The following AFG1L variants were observed in gnomAD, a reference collection of about 807,000 sequenced individuals.
AFG1L encodes the protein AFG1 like ATPase.
A neutral mutation model predicts 62.2 loss-of-function variants in AFG1L; 53 were observed. The ratio of observed to expected loss-of-function variants is 0.85; its 90% CI spans 0.68 to 1.07. The LOEUF is 1.07. AFG1L is among the 50% of genes least tolerant of loss of function. AFG1L has a pLI of 0.00. For synonymous variants in AFG1L, 228 were observed against 210.3 expected (o/e 1.08, Z -0.73); for missense variants, 555 against 590.5 (o/e 0.94, Z 0.62).
At chr6:108,306,265 A>G (rs190278696) in intron 1 of AFG1L, among the ~76,000 whole-genome samples, 2 of 152,232 alleles carry the variant, frequency 1.3e-5, no homozygotes, top group Non-Finnish European at 2.9e-5. Flanking sequence ...TGGGCCATAT[A>G]GTCAAACAAT....
At chr6:108,350,929 C>T (rs913760583) in intron 3 of AFG1L, among the ~76,000 whole-genome samples, 1 of 152,170 alleles carries the variant, frequency 6.6e-6, no homozygotes, top group African/African-American at 2.4e-5. Context: ...TACTACACAC[C>T]TAGGCTGTAT....
chr6:108,336,726 T>C (rs1349479151), intron 2 of AFG1L, among the ~76,000 whole-genome samples: 2 of 152,222 alleles, frequency 1.3e-5, no homozygotes, highest in African/African-American at 4.8e-5. Context: ...TCTGTTTTTT[T>C]CCAACTTTTC....
At chr6:108,372,843 A>G (rs1464270651) in intron 6 of AFG1L, 1 of 153,394 alleles carries the variant, frequency 6.5e-6, no homozygotes, top group East Asian at 1.9e-4. Context: ...AGGAAGTTCT[A>G]TATGGAGGAG....
intron 7 of AFG1L, among the ~76,000 whole-genome samples, chr6:108,435,588 A>C (rs1405790795): frequency 6.6e-6 from 1 of 152,196 alleles, no homozygotes; most frequent in Non-Finnish European, 1.5e-5. Context: ...CAGGAGGCTG[A>C]GGTGGAAGAA....
intron 5 of AFG1L, chr6:108,359,716 T>C (rs1239144645): frequency 6.6e-6 from 1 of 152,192 alleles, no homozygotes; most frequent in African/African-American, 2.4e-5. Context: ...TCTATTGAAT[T>C]TCAACTAAAT....
At chr6:108,344,146 T>C (rs1778780786) in intron 2 of AFG1L, among the ~76,000 whole-genome samples, 2 of 152,074 alleles carry the variant, frequency 1.3e-5, no homozygotes, top group South Asian at 4.1e-4. Flanking sequence ...TGGAGTCTCG[T>C]TCTGTTGCCC....
At chr6:108,489,321 C>A (rs1253143252) in intron 10 of AFG1L, among the ~76,000 whole-genome samples, 2 of 152,170 alleles carry the variant, frequency 1.3e-5, no homozygotes, top group Non-Finnish European at 2.9e-5. Flanking sequence ...TTGGGCTGAC[C>A]TGTGAAATAT....
intron 2 of AFG1L, among the ~76,000 whole-genome samples, chr6:108,331,661 G>A (rs531314692): frequency 6.4e-4 from 97 of 152,292 alleles, no homozygotes; most frequent in Non-Finnish European, 1.0e-3. Context: ...ATGCATAATT[G>A]TTATTGTGCT....
At chr6:108,467,657 T>C (rs951187434) in intron 8 of AFG1L, among the ~76,000 whole-genome samples, 18 of 152,248 alleles carry the variant, frequency 1.2e-4, no homozygotes, top group Admixed American at 5.9e-4. Flanking sequence ...TTGCAACATA[T>C]AATCTTGTCA....
rs946749061 is a variant in AFG1L, at chr6:108,358,148, A to G, written c.648+1328A>G. Among the ~76,000 whole-genome samples the G allele has an allele frequency of 5.3e-5, 8 of 152,224 alleles. No individual in the cohort carries two copies. The East Asian group carries it at 9.6e-4, about 18-fold the overall frequency. On this transcript the variant is annotated intron_variant, in intron 5 of 12. Coordinates refer to ENST00000368977, the MANE Select transcript of AFG1L (RefSeq NM_145315.5). ...GCCTCATTGAGTCGTTTGAAAAAGC[A>G]CTGACTTAACAGTTATGCTGCTTTC...
At chr6:108,479,825 A>C (rs949417349) in intron 10 of AFG1L, among the ~76,000 whole-genome samples, 1 of 152,144 alleles carries the variant, frequency 6.6e-6, no homozygotes, top group African/African-American at 2.4e-5. Context: ...TGGATCATCT[A>C]TCCTAATTTT....
intron 1 of AFG1L, among the ~76,000 whole-genome samples, chr6:108,314,604 G>A (rs911144167): frequency 6.6e-6 from 1 of 151,980 alleles, no homozygotes; most frequent in African/African-American, 2.4e-5. Context: ...TCACCGTGTT[G>A]CCTAGGCTGG....
At chr6:108,297,010 A>G (rs1245107792) in intron 1 of AFG1L, among the ~76,000 whole-genome samples, 1 of 152,172 alleles carries the variant, frequency 6.6e-6, no homozygotes, top group Admixed American at 6.6e-5. Context: ...AATTTAGCCA[A>G]TTCTGGGTGT....
intron 5 of AFG1L, among the ~76,000 whole-genome samples, chr6:108,358,590 T>C (rs534072735): frequency 1.1e-4 from 16 of 152,368 alleles, no homozygotes; most frequent in African/African-American, 3.8e-4. Context: ...TGGAATGCAA[T>C]GGCGTGATCT....
intron 8 of AFG1L, among the ~76,000 whole-genome samples, chr6:108,458,642 T>C (rs1382512037): frequency 6.6e-6 from 1 of 152,154 alleles, no homozygotes; most frequent in East Asian, 1.9e-4. Context: ...TCTTTGTTCT[T>C]ATACTCATGC....
intron 7 of AFG1L, among the ~76,000 whole-genome samples, chr6:108,416,400 T>G (rs1273976385): frequency 6.6e-6 from 1 of 152,202 alleles, no homozygotes; most frequent in African/African-American, 2.4e-5. Flanking sequence ...GAAATACCAT[T>G]TGACACAGCC....
intron 6 of AFG1L, among the ~76,000 whole-genome samples, chr6:108,384,255 G>T (rs151026477): frequency 6.6e-6 from 1 of 152,076 alleles, no homozygotes; most frequent in South Asian, 2.1e-4. Context: ...CAGAGTTTGC[G>T]GTAAGAACTA....
chr6:108,352,124 C>T (rs572501115), intron 3 of AFG1L, among the ~76,000 whole-genome samples: 1 of 152,328 alleles, frequency 6.6e-6, no homozygotes, highest in South Asian at 2.1e-4. Context: ...TATTCTACCT[C>T]TCTCCCACAT....
chr6:108,330,744 A>G (rs1263452507), intron 2 of AFG1L, among the ~76,000 whole-genome samples: 1 of 152,208 alleles, frequency 6.6e-6, no homozygotes, highest in Non-Finnish European at 1.5e-5. Flanking sequence ...TTTGGAGGAA[A>G]GCTAAGCAGT....
Sources: gnomAD v4.1 joint callset for allele counts (sites outside exome capture counted in the v4.1 genomes callset) on GRCh38, gnomAD v4.1.1 for gene constraint, MANE v1.5 for transcripts, NCBI Gene and HGNC (gene_info 2026-07-23, HGNC 2026-07-21) for gene names.